Variants in IL1RAPL1 observed in about 807,000 individuals in gnomAD.
The protein encoded by IL1RAPL1 is interleukin-1 receptor accessory protein-like 1.
In IL1RAPL1, 3 loss-of-function variants were observed where a neutral mutation model predicts 48.4. The ratio of observed to expected loss-of-function variants is 0.06; its 90% confidence interval spans 0.03 to 0.16. The LOEUF (loss-of-function observed/expected upper bound fraction) is 0.16. IL1RAPL1 is among the 10% of genes least tolerant of loss of function. The pLI, the probability that IL1RAPL1 is intolerant of heterozygous loss-of-function variation, is 1.00. For missense variants in IL1RAPL1, 349 were observed against 530.6 expected (o/e 0.66, Z 3.36); for synonymous variants, 185 against 187.7 (o/e 0.99, Z 0.12).
chrX:28,660,489 G>T (rs1441293552), intron 1 of IL1RAPL1, among the ~76,000 whole-genome samples: 2 of 111,175 alleles, frequency 1.8e-5, no homozygotes, highest in Non-Finnish European at 3.8e-5. Context: ...CATATGATAT[G>T]AATTATTAGA....
chrX:29,608,879 G>A (rs6630920), intron 5 of IL1RAPL1, among the ~76,000 whole-genome samples: 37,571 of 110,564 alleles, frequency 0.34, 5,080 homozygotes, highest in African/African-American at 0.48. Flanking sequence ...AGCAATCAGC[G>A]TCATTGACAC....
intron 3 of IL1RAPL1, among the ~76,000 whole-genome samples, chrX:29,332,636 A>G (rs1371139634): frequency 1.0e-5 from 1 of 98,124 alleles, no homozygotes; most frequent in South Asian, 4.1e-4. Flanking sequence ...TTATTTATTT[A>G]TTTATTTATT....
intron 5 of IL1RAPL1, among the ~76,000 whole-genome samples, chrX:29,619,412 T>G (rs1024653353): frequency 8.9e-6 from 1 of 112,009 alleles, no homozygotes; most frequent in East Asian, 2.8e-4. Context: ...TAAACAAGCT[T>G]ATTGCATGGG....
At chrX:29,766,425 ATCCAAATATATATATATTTATATG>A (rs1260599914) in intron 6 of IL1RAPL1, among the ~76,000 whole-genome samples, 107 of 94,835 alleles carry the variant, frequency 1.1e-3, no homozygotes, top group East Asian at 7.7e-3. Flanking sequence ...ATATTTATAT[ATCCAAATATATATATATTTATATG>A]TCCAAATATA....
rs745658358 is a variant in IL1RAPL1 at position 29,689,140 on chromosome X, G to A, written c.778+20636G>A. On this transcript the variant is annotated intron_variant, in intron 6 of 10. Transcript: ENST00000378993. Reference sequence around the variant, plus strand: ...TGGATCAATGATTATATCTACTAATGGAAAATGGTAGATTGTTCCCAAAGT... The same window carrying A: ...TGGATCAATGATTATATCTACTAATAGAAAATGGTAGATTGTTCCCAAAGT... Among the ~76,000 whole-genome samples the A allele has an allele frequency of 1.4e-4, 16 of 111,744 alleles. No homozygotes were observed. The East Asian group carries it at 2.8e-3, about 20-fold the overall frequency.
At chrX:29,073,482 A>G (rs190507587) in intron 2 of IL1RAPL1, among the ~76,000 whole-genome samples, 11 of 111,463 alleles carry the variant, frequency 9.9e-5, no homozygotes, top group African/African-American at 3.3e-4. Context: ...TCATTTATCT[A>G]TTATTCTTTT....
chrX:29,014,091 G>A (rs1306558247), intron 2 of IL1RAPL1, among the ~76,000 whole-genome samples: 4 of 111,694 alleles, frequency 3.6e-5, no homozygotes, highest in African/African-American at 1.3e-4. Context: ...CCACAACAAT[G>A]CTCCTGCTCA....
chrX:29,922,654 C>T (rs983195865), intron 8 of IL1RAPL1, among the ~76,000 whole-genome samples: 2 of 111,913 alleles, frequency 1.8e-5, no homozygotes, highest in African/African-American at 3.2e-5. Context: ...ACTTTACCAG[C>T]CCTGCAAGGT....
chrX:29,874,896 G>A (rs1318378948), intron 6 of IL1RAPL1, among the ~76,000 whole-genome samples: 1 of 111,996 alleles, frequency 8.9e-6, no homozygotes, highest in African/African-American at 3.2e-5. Flanking sequence ...TTGACTTATG[G>A]TGTTCAATTT....
intron 2 of IL1RAPL1, among the ~76,000 whole-genome samples, chrX:29,144,653 T>C (rs1929312246): frequency 9.4e-6 from 1 of 106,722 alleles, no homozygotes; most frequent in Non-Finnish European, 1.9e-5. Flanking sequence ...TAATCTCCTT[T>C]CCTTAATATA....
At chrX:29,458,781 T>G (rs113924189) in intron 5 of IL1RAPL1, among the ~76,000 whole-genome samples, 4,727 of 109,368 alleles carry the variant, frequency 0.043, 285 homozygotes, top group African/African-American at 0.15. Context: ...CTTGAACTCC[T>G]GGGCTCAAGT....
In IL1RAPL1 at chrX:29,421,607, G is replaced by GA. The variant is rs1170986830; in HGVS notation, c.703+22309dup. Among the ~76,000 whole-genome samples, 611 of 107,670 alleles carry GA rather than the reference G, an allele frequency of 5.7e-3. 8 individuals are homozygous for GA. Among genetic ancestry groups the GA allele is most frequent in the African/African-American group, 0.019 (575 of 29,624 alleles). 93.5% of individuals were successfully genotyped at this position (107,670 alleles called of 115,157 possible). ...GAGACTAAGCCATAAGAGAGAGAGA[G>GA]AAAAAAAAAATCTCTGGTCTGGGAA... On this transcript the variant is annotated intron_variant, in intron 5 of 10. Coordinates refer to ENST00000378993, the MANE Select transcript of IL1RAPL1 (RefSeq NM_014271.4).
At chrX:29,276,906 G>T (rs191275624) in intron 2 of IL1RAPL1, among the ~76,000 whole-genome samples, 2 of 111,718 alleles carry the variant, frequency 1.8e-5, no homozygotes, top group East Asian at 5.6e-4. Flanking sequence ...GAGAAAGATA[G>T]AGATAGATAT....
intron 2 of IL1RAPL1, among the ~76,000 whole-genome samples, chrX:29,028,172 T>G (rs1302032355): frequency 9.0e-6 from 1 of 110,838 alleles, no homozygotes; most frequent in Non-Finnish European, 1.9e-5. Flanking sequence ...AATCCCTATT[T>G]TAAACAATAG....
chrX:29,455,895 C>T (rs68092561), intron 5 of IL1RAPL1, among the ~76,000 whole-genome samples: 8,219 of 111,241 alleles, frequency 0.074, 457 homozygotes, highest in African/African-American at 0.19. Context: ...TGAGTCATCA[C>T]TCTTTCCTTC....
chrX:29,206,158 A>T (rs182740578), intron 2 of IL1RAPL1, among the ~76,000 whole-genome samples: 55 of 111,766 alleles, frequency 4.9e-4, no homozygotes, highest in Middle Eastern at 4.7e-3. Context: ...AAAATAAGAG[A>T]TTTCAGTTTT....
intron 6 of IL1RAPL1, among the ~76,000 whole-genome samples, chrX:29,671,406 A>C (rs1274813013): frequency 4.4e-5 from 5 of 112,377 alleles, no homozygotes; most frequent in African/African-American, 1.3e-4. Context: ...GGAAAAAATC[A>C]TATAATGGAA....
At chrX:28,778,739 G>A (rs1290913907) in intron 1 of IL1RAPL1, among the ~76,000 whole-genome samples, 1 of 111,551 alleles carries the variant, frequency 9.0e-6, no homozygotes, top group East Asian at 2.8e-4. Context: ...TTCTGGCAGT[G>A]TATGAAACAT....
At chrX:28,779,677 T>G (rs1936400432) in intron 1 of IL1RAPL1, among the ~76,000 whole-genome samples, 1 of 86,897 alleles carries the variant, frequency 1.2e-5, no homozygotes, top group African/African-American at 4.1e-5. Flanking sequence ...TATATATATA[T>G]AGAATGTGGA....
Sources: allele counts gnomAD v4.1 joint callset (sites outside exome capture counted in the v4.1 genomes callset), GRCh38; gene constraint gnomAD v4.1.1; transcripts MANE v1.5; gene names NCBI Gene and HGNC (gene_info 2026-07-23, HGNC 2026-07-21).